Variants in INF2 observed in about 807,000 individuals in gnomAD.
The protein encoded by INF2 is inverted formin-2.
INF2 carries 43 observed loss-of-function variants against 123.5 expected under a neutral mutation model. The ratio of observed to expected loss-of-function variants is 0.35; its 90% CI spans 0.27 to 0.45. The LOEUF (loss-of-function observed/expected upper bound fraction) is 0.45, where lower values mean the gene tolerates loss of function less well. Ranked by LOEUF, INF2 falls within the 20% of genes least tolerant of loss-of-function variation. The pLI, the probability that INF2 is intolerant of heterozygous loss-of-function variation, is 1.00. For synonymous variants in INF2, 851 were observed against 745.0 expected (o/e 1.14, Z -2.32); for missense variants, 1,453 against 1,682.7 (o/e 0.86, Z 2.39).
chr14:104,714,651 C>A lies in INF2; in HGVS notation c.3489C>A (p.Pro1163=). Residue 1163 remains proline, a synonymous_variant, in exon 21 of 23, where the codon CCC becomes CCA. Coordinates refer to ENST00000392634, the MANE Select transcript of INF2 (RefSeq NM_022489.4). ...EDAVHSRGAR[P]PAAGPGGDED... Reference sequence around the variant, plus strand: ...CTGTCCACAGCCGTGGTGCCAGACCCCCTGCAGCAGGCCCAGGTGGGGATG... The same window carrying A: ...CTGTCCACAGCCGTGGTGCCAGACCACCTGCAGCAGGCCCAGGTGGGGATG... 1 of 1,612,458 alleles carries A rather than the reference C, an allele frequency of 6.2e-7. No homozygotes were observed. Among genetic ancestry groups the A allele is most frequent in the South Asian group, 1.1e-5 (1 of 91,072 alleles).
chr14:104,700,283 C>T (rs188627565), intron 1 of INF2, among the ~76,000 whole-genome samples: 1 of 152,280 alleles, frequency 6.6e-6, no homozygotes, highest in African/African-American at 2.4e-5. Context: ...CCAGCCGCCT[C>T]CAGTTCCCCA....
chr14:104,711,559 G>A (rs974132103), intron 15 of INF2, 70 bp from the exon 16 acceptor site: 10 of 1,381,660 alleles, frequency 7.2e-6, no homozygotes, highest in Non-Finnish European at 1.0e-5. Flanking sequence ...AGCTGGGGGA[G>A]TGGGAACAGG....
In INF2 at chr14:104,707,449, C is replaced by T. The variant is rs755392580; in HGVS notation, c.1182C>T (p.Cys394=). 1.9e-5 allele frequency: 30 copies of T among 1,564,758 alleles called. No homozygotes were observed. The highest frequency in any genetic ancestry group is 3.3e-4 in the Middle Eastern group (2 of 6,034). ...AGCAGCCAGCAGCAGCTGCTGCCTG[C>T]GAGCCCGTGGACCACGCCCAGAGTG... ...EGQQPAAAAA[C]EPVDHAQSES... Residue 394 remains cysteine (C), a synonymous_variant, in exon 8 of 23, where the codon TGC becomes TGT. Transcript: ENST00000392634.
chr14:104,683,625 C>G (rs1048430551), intron 1 of INF2, among the ~76,000 whole-genome samples: 4 of 139,128 alleles, frequency 2.9e-5, no homozygotes, highest in Admixed American at 1.5e-4. Flanking sequence ...CACACACACA[C>G]AGACACACAC....
In INF2 at chr14:104,699,511, G is replaced by A. The variant is rs1205513357; in HGVS notation, c.-9-1846G>A. 1.0e-6 allele frequency: 1 copy of A among 985,216 alleles called. No homozygotes were observed. The highest frequency in any genetic ancestry group is 1.2e-6 in the Non-Finnish European group (1 of 829,888). 61.0% of individuals were successfully genotyped at this position (985,216 alleles called of 1,614,324 possible). On this transcript the variant is annotated intron_variant, in intron 1 of 22. Transcript: ENST00000392634. The surrounding 1 kb of genome is among the most constrained non-coding windows in gnomAD (Gnocchi z 4.7). The stretch of plus-strand genomic sequence containing the variant: ...CTCTGGCAGCTCAGCGGTCAGCAGC[G>A]ATGAGAAGCCAGGGGAGCGTGAGGA...
Position 104,718,830 on chromosome 14 carries a change from C to T in INF2, c.*37C>T. On this transcript the variant is annotated 3_prime_UTR_variant, in exon 23 of 23. Transcript: ENST00000392634. ...CAGGCCCAAGGCCAAGTGAGAGAGC[C>T]CAGGCCACAGGACATGCTGCCATTC... The T allele has an allele frequency of 1.2e-6, 2 of 1,612,564 alleles. No individual in the cohort carries two copies. The highest frequency in any genetic ancestry group is 8.5e-7 in the Non-Finnish European group (1 of 1,179,636).
Position 104,706,045 on chromosome 14 carries a change from G to A in INF2, c.712G>A (p.Asp238Asn). Residue 238 changes from aspartate to asparagine, a missense_variant, in exon 6 of 23, where the codon GAT becomes AAT. Physicochemically the swap from Asp to Asn is conservative, Grantham distance 23. Transcript: ENST00000392634. ...GCCCCTCCTGCACAGAGACCTGGAG[G>A]ATGCCGACCTGCTGATCCAGCTGGA... ...DVLARLRDLE[D>N]ADLLIQLEAF... 1 of 1,612,124 alleles carries A rather than the reference G, an allele frequency of 6.2e-7. No homozygotes were observed. The highest frequency in any genetic ancestry group is 8.5e-7 in the Non-Finnish European group (1 of 1,179,634).
At chr14:104,707,182 C>T in intron 7 of INF2, 71 bp from the exon 8 acceptor site, 6 of 1,525,352 alleles carry the variant, frequency 3.9e-6, no homozygotes, top group Non-Finnish European at 5.3e-6. Context: ...TTTTTCCTGC[C>T]TCTTCCTCAA....
At chr14:104,692,067 G>C (rs1268174306) in intron 1 of INF2, among the ~76,000 whole-genome samples, 1 of 152,176 alleles carries the variant, frequency 6.6e-6, no homozygotes, top group Non-Finnish European at 1.5e-5. Flanking sequence ...CCCCTCTGAG[G>C]GCTCATGTCA....
rs1057523828 is a variant in INF2 at position 104,713,557 on chromosome 14, C to T, written c.2991C>T (p.Asp997=). 2.1e-5 allele frequency: 34 copies of T among 1,612,120 alleles called. No homozygotes were observed. The highest frequency in any genetic ancestry group is 2.7e-5 in the Non-Finnish European group (32 of 1,179,690). The change falls in exon 20 of 23, where the codon GAC becomes GAT. Residue 997 remains aspartate, a synonymous_variant. Transcript: ENST00000392634. The stretch of plus-strand genomic sequence containing the variant: ...CAGCCCGGGGCCGCGGGGACACCGA[C>T]GGGGGCAGCAAGGCAGCCTCCATGG... ...RKTARGRGDT[D]GGSKAASMDP...
In INF2 at chr14:104,719,148, G is replaced by T. The variant is rs940381443; in HGVS notation, c.*355G>T. 1.1e-5 allele frequency: 4 copies of T among 372,570 alleles called. 1 individual carries two copies. Among genetic ancestry groups the T allele is most frequent in the Non-Finnish European group, 1.9e-5 (4 of 207,334 alleles). 23.1% of individuals were successfully genotyped at this position (372,570 alleles called of 1,614,324 possible). A position where few individuals can be genotyped will look rare whatever the true frequency, so the allele number is the denominator to read the frequency against. On this transcript the variant is annotated 3_prime_UTR_variant, in exon 23 of 23. Coordinates refer to ENST00000392634, the MANE Select transcript of INF2 (RefSeq NM_022489.4). ...GCCAGTGTCCACCACAGCTCTGCCT[G>T]CCCTTCAGCCCAGCAAGGTTTAATC...
In INF2 at chr14:104,721,543, TAA is replaced by T. The variant is rs1890558105; in HGVS notation, c.*2751_*2752del. 6.5e-6 allele frequency: 1 copy of T among 153,888 alleles called. No homozygotes were observed. Among genetic ancestry groups the T allele is most frequent in the South Asian group, 1.9e-4 (1 of 5,292 alleles). The allele number at this position is 153,888 out of a possible 1,614,324, so 9.5% of individuals were successfully genotyped here. On this transcript the variant is annotated 3_prime_UTR_variant, in exon 23 of 23. Coordinates refer to ENST00000392634, the MANE Select transcript of INF2 (RefSeq NM_022489.4). ...ATGTTTAACTTTTTAAGTAACTGCC[TAA>T]CTGTTTTCCAAAGCAGCTGCACCAT... is the stretch of plus-strand genomic sequence containing the variant.
Position 104,713,572 on chromosome 14 carries a change from A to C in INF2, c.3006A>C (p.Ala1002=). ...GRGDTDGGSK[A]ASMDPPRATE... is the part of the protein sequence containing the mutation. ...GGGACACCGACGGGGGCAGCAAGGC[A>C]GCCTCCATGGATCCCCCAAGAGCCA... The change falls in exon 20 of 23, where the codon GCA becomes GCC. Residue 1002 remains alanine (A), a synonymous_variant. Coordinates refer to ENST00000392634, the MANE Select transcript of INF2 (RefSeq NM_022489.4). The C allele has an allele frequency of 1.2e-6, 2 of 1,612,488 alleles. No individual in the cohort carries two copies. The highest frequency in any genetic ancestry group is 1.3e-5 in the African/African-American group (1 of 75,016).
chr14:104,688,749 G>C (rs528929733), upstream of INF2, among the ~76,000 whole-genome samples: 26 of 152,334 alleles, frequency 1.7e-4, no homozygotes, highest in African/African-American at 6.0e-4. Context: ...CTAGCTGCCA[G>C]TGGCCCCCAA....
intron 1 of INF2, among the ~76,000 whole-genome samples, chr14:104,691,469 T>C (rs1469952360): frequency 6.6e-6 from 1 of 152,162 alleles, no homozygotes; most frequent in Admixed American, 6.5e-5. Flanking sequence ...GACTCCCTGC[T>C]GCCAGCCCCT....
Position 104,718,988 on chromosome 14 carries a change from C to T in INF2, c.*195C>T. The T allele has an allele frequency of 1.5e-6, 2 of 1,328,362 alleles. No individual in the cohort carries two copies. 82.3% of individuals were successfully genotyped at this position (1,328,362 alleles called of 1,614,324 possible). ...GCTGGGAACCCGACAGGCACCAGTG[C>T]CCTGCCAGGCCTGGTGCCCTCCTGG... On this transcript the variant is annotated 3_prime_UTR_variant, in exon 23 of 23. Coordinates refer to ENST00000392634, the MANE Select transcript of INF2 (RefSeq NM_022489.4).
At chr14:104,703,610 C>T (rs375353931) in intron 4 of INF2, among the ~76,000 whole-genome samples, 156 bp downstream of exon 4, 19 of 152,346 alleles carry the variant, frequency 1.2e-4, no homozygotes, top group African/African-American at 4.3e-4. Flanking sequence ...CACCACCTGC[C>T]CCTTCAATGG....
At chr14:104,705,369 A>G (rs1378785133) in intron 5 of INF2, among the ~76,000 whole-genome samples, 2 of 152,002 alleles carry the variant, frequency 1.3e-5, no homozygotes, top group South Asian at 4.1e-4. Context: ...GTGAGCTGAG[A>G]TCGTACCACT....
chr14:104,691,193 C>A (rs1888931674), intron 1 of INF2: 1 of 152,272 alleles, frequency 6.6e-6, no homozygotes, highest in Non-Finnish European at 1.5e-5. Flanking sequence ...ACACACCGCA[C>A]ATGTGGGGAC....
Sources: allele counts gnomAD v4.1 joint callset (sites outside exome capture counted in the v4.1 genomes callset), GRCh38; gene constraint gnomAD v4.1.1; non-coding constraint Gnocchi (gnomAD v3.1); transcripts MANE v1.5; gene names NCBI Gene and HGNC (gene_info 2026-07-23, HGNC 2026-07-21).